The following DMTN variants were observed in gnomAD, a reference collection of about 807,000 sequenced individuals.
DMTN encodes dematin.
In DMTN, 27 loss-of-function variants were observed where a neutral mutation model predicts 59.4. The observed-to-expected ratio is 0.45, with a 90% CI of 0.33 to 0.63. DMTN has a LOEUF of 0.63. Among genes scored for constraint, DMTN ranks in the 20% least tolerant of loss-of-function variants. DMTN has a pLI of 0.02. For missense variants in DMTN, 451 were observed against 528.9 expected (o/e 0.85, Z 1.45); for synonymous variants, 221 against 203.7 (o/e 1.08, Z -0.72).
At chr8:22,072,017 C>G (rs1168245281) in intron 8 of DMTN, among the ~76,000 whole-genome samples, 2 of 152,022 alleles carry the variant, frequency 1.3e-5, no homozygotes, top group East Asian at 3.9e-4. Context: ...GTTCAGTGTC[C>G]CCAGCAGCTG....
chr8:22,051,827 G>A (rs996077790), upstream of DMTN, among the ~76,000 whole-genome samples: 2 of 152,090 alleles, frequency 1.3e-5, no homozygotes, highest in Non-Finnish European at 2.9e-5. Flanking sequence ...CAGTACATCC[G>A]AGTTTGCTCC....
At chr8:22,066,915 CG>C (rs1203491676) in intron 2 of DMTN, 22 bp downstream of exon 2, 4 of 1,244,412 alleles carry the variant, frequency 3.2e-6, no homozygotes, top group Non-Finnish European at 4.0e-6. Context: ...CGCCCCGGGC[CG>C]GGGCCGCCGA....
Position 22,082,238 on chromosome 8 carries a change from T to A in DMTN, c.*775T>A, listed in dbSNP as rs1454459583. The A allele has an allele frequency of 2.2e-6, 1 of 456,806 alleles. No individual in the cohort carries two copies. Among genetic ancestry groups the A allele is most frequent in the African/African-American group, 2.0e-5 (1 of 50,046 alleles). The allele number at this position is 456,806 out of a possible 1,614,324, so 28.3% of individuals were successfully genotyped here. On this transcript the variant is annotated 3_prime_UTR_variant, in exon 16 of 16. Coordinates refer to ENST00000358242, the MANE Select transcript of DMTN (RefSeq NM_001387751.1). Reference sequence around the variant, plus strand: ...AGGCCTGGCACATTTTGGAGTGTCCTGGCTACCAGCTCTCACCTACACCCA... The same window carrying A: ...AGGCCTGGCACATTTTGGAGTGTCCAGGCTACCAGCTCTCACCTACACCCA...
In DMTN at chr8:22,081,516, T is replaced by C; in HGVS notation, c.*53T>C. Reference sequence around the variant, plus strand: ...CCTTACCCCTGCTGCTTCAGGGTTTTTCCCCGGCGGGTTGGGAGGGGCAGG... The same window carrying C: ...CCTTACCCCTGCTGCTTCAGGGTTTCTCCCCGGCGGGTTGGGAGGGGCAGG... On this transcript the variant is annotated 3_prime_UTR_variant, in exon 16 of 16. Coordinates refer to ENST00000358242, the MANE Select transcript of DMTN (RefSeq NM_001387751.1). 1 of 1,545,750 alleles carries C rather than the reference T, an allele frequency of 6.5e-7. No homozygotes were observed. The highest frequency in any genetic ancestry group is 1.1e-5 in the South Asian group (1 of 89,526).
Position 22,080,840 on chromosome 8 carries a change from G to A in DMTN, c.993G>A (p.Gly331=). 1.3e-6 allele frequency: 2 copies of A among 1,596,248 alleles called. No homozygotes were observed. Among genetic ancestry groups the A allele is most frequent in the Non-Finnish European group, 1.7e-6 (2 of 1,168,776 alleles). ...GCCAGAGGGGGAGGATGGACCGGGG[G>A]AACTCCCTGCCCTGTGTGCTGGAGC... is the stretch of plus-strand genomic sequence containing the variant. The part of the protein sequence containing the change: ...GEGQRGRMDR[G]NSLPCVLEQK... The change falls in exon 14 of 16, where the codon GGG becomes GGA. Residue 331 remains glycine (G), a synonymous_variant. Transcript: ENST00000358242.
intron 10 of DMTN, among the ~76,000 whole-genome samples, chr8:22,077,119 C>A (rs985023343): frequency 6.6e-6 from 1 of 151,980 alleles, no homozygotes; most frequent in Non-Finnish European, 1.5e-5. Context: ...TGCTGAGGGG[C>A]CAGGCTGCAC....
intron 10 of DMTN, among the ~76,000 whole-genome samples, chr8:22,075,233 ACTT>A (rs1818832941): frequency 6.7e-6 from 1 of 150,086 alleles, no homozygotes; most frequent in African/African-American, 2.4e-5. Context: ...ACATAGTGTC[ACTT>A]CTTCATTGTA....
At chr8:22,069,542 A>C in intron 6 of DMTN, 24 bp downstream of exon 6, 1 of 1,557,754 alleles carries the variant, frequency 6.4e-7, no homozygotes. Flanking sequence ...GCACGACCTC[A>C]TTGTTTCCTA....
At chr8:22,079,132 A>C in intron 10 of DMTN, among the ~76,000 whole-genome samples, 1 of 151,324 alleles carries the variant, frequency 6.6e-6, no homozygotes, top group African/African-American at 2.4e-5. Context: ...TTACTAGGCC[A>C]AGCATAGTGG....
Position 22,067,530 on chromosome 8 carries a change from A to G in DMTN, c.97A>G (p.Lys33Glu), listed in dbSNP as rs1324456864. ...TCACGCGCACCTTTCCCTTCAGGCC[A>G]AGATGGACAATCAGGTGCTGGGCTA... ...VPGSPSSIVA[K>E]MDNQVLGYKD... Residue 33 changes from lysine to glutamate, a missense_variant, in exon 4 of 16, where the codon AAG becomes GAG. Coordinates refer to ENST00000358242, the MANE Select transcript of DMTN (RefSeq NM_001387751.1). 3 of 1,614,210 alleles carry G rather than the reference A, an allele frequency of 1.9e-6. No individual in the cohort carries two copies. The highest frequency in any genetic ancestry group is 1.3e-5 in the African/African-American group (1 of 75,070).
Position 22,066,957 on chromosome 8 carries a change from G to T in DMTN, c.18+64G>T, listed in dbSNP as rs897902139. 26 of 1,244,914 alleles carry T rather than the reference G, an allele frequency of 2.1e-5. No homozygotes were observed. The East Asian group carries it at 8.0e-4, about 38-fold the overall frequency. The allele number at this position is 1,244,914 out of a possible 1,614,324, so 77.1% of individuals were successfully genotyped here. A position where few individuals can be genotyped will look rare whatever the true frequency, so the allele number is the denominator to read the frequency against. ...GGTGGGGGCCGCTTGGGAGTCCAGGGCGCCACCTGGTGGCCACCCGCCGCG... is the reference window on the plus strand; with the variant it reads ...GGTGGGGGCCGCTTGGGAGTCCAGGTCGCCACCTGGTGGCCACCCGCCGCG... On this transcript the variant is annotated intron_variant, in intron 2 of 15. Transcript: ENST00000358242.
chr8:22,071,935 C>T (rs1055766953), intron 8 of DMTN, among the ~76,000 whole-genome samples: 2 of 151,942 alleles, frequency 1.3e-5, no homozygotes, highest in African/African-American at 4.8e-5. Context: ...ACTCTGTTGC[C>T]CAGGATGGAG....
intron 10 of DMTN, among the ~76,000 whole-genome samples, chr8:22,078,801 T>TTTTTTTTG (rs1384597256): frequency 3.4e-5 from 4 of 118,264 alleles, no homozygotes; most frequent in African/African-American, 6.4e-5. Flanking sequence ...TCAGACTGTT[T>TTTTTTTTG]TTTTTTTTTT....
Position 22,066,920 on chromosome 8 carries a change from C to A in DMTN, c.18+27C>A, listed in dbSNP as rs1811091071. 8 of 1,240,710 alleles carry A rather than the reference C, an allele frequency of 6.4e-6. No homozygotes were observed. In the East Asian group the frequency reaches 2.3e-4, roughly 36 times the overall value. 76.9% of individuals were successfully genotyped at this position (1,240,710 alleles called of 1,614,324 possible). ...TGCGCGGCGCCGCCCCGGGCCGGGGCCGCCGAGGGCGGGTGGGGGCCGCTT... is the reference window on the plus strand; with the variant it reads ...TGCGCGGCGCCGCCCCGGGCCGGGGACGCCGAGGGCGGGTGGGGGCCGCTT... On this transcript the variant is annotated intron_variant, in intron 2 of 15. Coordinates refer to ENST00000358242, the MANE Select transcript of DMTN (RefSeq NM_001387751.1).
intron 1 of DMTN, among the ~76,000 whole-genome samples, chr8:22,065,955 C>G (rs1020296639): frequency 8.6e-5 from 13 of 150,830 alleles, no homozygotes; most frequent in African/African-American, 3.2e-4. Flanking sequence ...ATCCTCTCAC[C>G]TCAGCCTCCC....
intron 3 of DMTN, 128 bp downstream of exon 3, chr8:22,067,287 A>G: frequency 8.3e-7 from 1 of 1,199,508 alleles, no homozygotes; most frequent in Non-Finnish European, 1.2e-6. Context: ...GCGGGCAGAG[A>G]GAACCCAGAA....
chr8:22,067,039 C>T (rs761378530), intron 2 of DMTN, 46 bp from the exon 3 acceptor site: 2 of 1,550,232 alleles, frequency 1.3e-6, no homozygotes, highest in Non-Finnish European at 1.7e-6. Context: ...GCCCCGCTCC[C>T]GCACACACGC....
At chr8:22,073,875 G>C in intron 10 of DMTN, 40 bp downstream of exon 10, 1 of 1,541,752 alleles carries the variant, frequency 6.5e-7, no homozygotes, top group Non-Finnish European at 9.0e-7. Context: ...CCTGGCCAGA[G>C]ATGGAGGCCT....
chr8:22,080,902 G>C, intron 14 of DMTN, 32 bp downstream of exon 14: 1 of 1,538,260 alleles, frequency 6.5e-7, no homozygotes, highest in Non-Finnish European at 8.8e-7. Flanking sequence ...CGCCTGTAGC[G>C]GGGCGGGAGG....
Sources: allele counts gnomAD v4.1 joint callset (sites outside exome capture counted in the v4.1 genomes callset), GRCh38; gene constraint gnomAD v4.1.1; transcripts MANE v1.5; gene names NCBI Gene and HGNC (gene_info 2026-07-23, HGNC 2026-07-21).